FBN2: variants seen among roughly 807,000 people sequenced by gnomAD.
FBN2 encodes the protein fibrillin 2.
Under a neutral mutation model 355.6 loss-of-function variants are expected in FBN2, and 105 were observed. The observed-to-expected ratio is 0.30, with a 90% CI of 0.25 to 0.35. The LOEUF (loss-of-function observed/expected upper bound fraction) is 0.35, where lower values mean the gene tolerates loss of function less well. Ranked by LOEUF, FBN2 falls within the 10% of genes least tolerant of loss-of-function variation. The pLI is 1.00. For missense variants in FBN2, 3,280 were observed against 3,758.7 expected, an observed-to-expected ratio of 0.87 and a Z score of 3.33; for synonymous variants, 1,350 against 1,301.2, an observed-to-expected ratio of 1.04 and a Z score of -0.81.
chr5:128,431,059 G>A (rs1371721206), intron 7 of FBN2, among the ~76,000 whole-genome samples: 1 of 152,120 alleles, frequency 6.6e-6, no homozygotes, highest in African/African-American at 2.4e-5. Flanking sequence ...GAATGCCCAG[G>A]TTTTAATAGC....
chr5:128,465,581 T>C (rs1185871608), intron 5 of FBN2, among the ~76,000 whole-genome samples: 2 of 152,228 alleles, frequency 1.3e-5, no homozygotes, highest in Non-Finnish European at 2.9e-5. Context: ...TCTGTTTCTG[T>C]GTCAGTCAGT....
At chr5:128,483,709 G>GAGTT (rs1755257158) in intron 5 of FBN2, among the ~76,000 whole-genome samples, 1 of 151,996 alleles carries the variant, frequency 6.6e-6, no homozygotes, top group Non-Finnish European at 1.5e-5. Context: ...TATTGAAAAT[G>GAGTT]AGTTGTCTGG....
rs1756908233 is a variant in FBN2 at position 128,538,031 on chromosome 5, G to C, written c.-428C>G. ...CGGATTCCCGTGCGCTCCGAAGACG[G>C]ATATTGGAAAGCTGCAAAAGTCACC... is the stretch of plus-strand genomic sequence containing the variant. On this transcript the variant is annotated 5_prime_UTR_variant, in exon 1 of 65. In the 5' UTR this introduces an upstream ATG that the reference lacks. Transcript: ENST00000262464. The C allele has an allele frequency of 5.1e-6, 1 of 197,574 alleles. No homozygotes were observed. Among genetic ancestry groups the C allele is most frequent in the Non-Finnish European group, 1.0e-5 (1 of 98,210 alleles). 12.2% of individuals were successfully genotyped at this position (197,574 alleles called of 1,614,324 possible). A position where few individuals can be genotyped will look rare whatever the true frequency, so the allele number is the denominator to read the frequency against.
intron 5 of FBN2, among the ~76,000 whole-genome samples, chr5:128,486,105 G>C (rs926246819): frequency 1.3e-5 from 2 of 152,104 alleles, no homozygotes; most frequent in African/African-American, 4.8e-5. Context: ...AGTATGTTCA[G>C]AATGTTGTTA....
chr5:128,459,152 C>T (rs1282501625), intron 6 of FBN2, among the ~76,000 whole-genome samples: 1 of 152,036 alleles, frequency 6.6e-6, no homozygotes, highest in Non-Finnish European at 1.5e-5. Flanking sequence ...ATACAAACTA[C>T]CATCAGAGAA....
intron 48 of FBN2, among the ~76,000 whole-genome samples, chr5:128,300,553 C>T (rs2126833392): frequency 6.6e-6 from 1 of 152,302 alleles, no homozygotes; most frequent in South Asian, 2.1e-4. Context: ...TCGCTGCTGA[C>T]ATTTGGAAAA....
chr5:128,440,086 T>C (rs1753878297), intron 7 of FBN2, among the ~76,000 whole-genome samples: 2 of 152,342 alleles, frequency 1.3e-5, no homozygotes, highest in South Asian at 2.1e-4. Context: ...TTCATTGGGC[T>C]ATTTACATGC....
chr5:128,476,975 T>C (rs1274680084), intron 5 of FBN2, among the ~76,000 whole-genome samples: 1 of 152,226 alleles, frequency 6.6e-6, no homozygotes, highest in African/African-American at 2.4e-5. Context: ...CTGTGGTCTC[T>C]TTTCAAAAAG....
intron 7 of FBN2, among the ~76,000 whole-genome samples, chr5:128,420,478 T>C (rs1263377690): frequency 6.6e-6 from 1 of 152,200 alleles, no homozygotes; most frequent in Non-Finnish European, 1.5e-5. Flanking sequence ...AGTTATGAAA[T>C]TTCTGAATTA....
chr5:128,301,246 ATCATAGCTTATCTTGG>A, intron 47 of FBN2, 120 bp downstream of exon 47: 2 of 883,780 alleles, frequency 2.3e-6, no homozygotes, highest in South Asian at 3.1e-5. Context: ...AAAATTTTCC[ATCATAGCTTATCTTGG>A]TCATGTGCTC....
At chr5:128,353,224 C>G (rs185399585) in intron 20 of FBN2, among the ~76,000 whole-genome samples, 189 of 151,832 alleles carry the variant, frequency 1.2e-3, no homozygotes, top group African/African-American at 4.4e-3. Context: ...ACCCCCCTGC[C>G]CCCAAACACA....
In FBN2 at chr5:128,309,429, A is replaced by G. The variant is rs192338339; in HGVS notation, c.5201-30T>C. On this transcript the variant is annotated intron_variant, in intron 40 of 64. Transcript: ENST00000262464. ...ATAAAGAAAAACAAAGAAACTAGCCATTTGTATCCACGAGTAGTTTATAAT... is the reference window on the plus strand; with the variant it reads ...ATAAAGAAAAACAAAGAAACTAGCCGTTTGTATCCACGAGTAGTTTATAAT... The G allele has an allele frequency of 5.5e-5, 88 of 1,603,696 alleles. No homozygotes were observed. In the East Asian group the frequency reaches 1.9e-3, roughly 35 times the overall value.
intron 53 of FBN2, 129 bp from the exon 54 acceptor site, chr5:128,287,559 C>CTAAATTCT: frequency 3.1e-6 from 3 of 965,148 alleles, no homozygotes; most frequent in Non-Finnish European, 4.8e-6. Flanking sequence ...ACATCTGGTA[C>CTAAATTCT]GCAGAATTTA....
rs149647983 is a variant in FBN2 at position 128,279,547 on chromosome 5, G to A, written c.7138+645C>T. ...TTTCTTGGAATTTGAAGCATATGAC[G>A]TCATTCAGAAAAAAATGTGATATAG... is the stretch of plus-strand genomic sequence containing the variant. On this transcript the variant is annotated intron_variant, in intron 56 of 64. Coordinates refer to ENST00000262464, the MANE Select transcript of FBN2 (RefSeq NM_001999.4). 4.3e-4 allele frequency among the ~76,000 whole-genome samples: 65 copies of A among 152,020 alleles called. 1 individual carries two copies. Among genetic ancestry groups the A allele is most frequent in the Non-Finnish European group, 8.2e-4 (56 of 67,946 alleles).
At chr5:128,301,612 G>C in intron 46 of FBN2, 102 bp from the exon 47 acceptor site, 1 of 1,134,706 alleles carries the variant, frequency 8.8e-7, no homozygotes. Context: ...GCATTTATAA[G>C]AAATCCCATA....
intron 48 of FBN2, among the ~76,000 whole-genome samples, chr5:128,296,398 T>C (rs1254932617): frequency 6.6e-6 from 1 of 152,048 alleles, no homozygotes; most frequent in Admixed American, 6.6e-5. Flanking sequence ...ATTGGAATAG[T>C]TTCAGAAGGA....
intron 8 of FBN2, 71 bp from the exon 9 acceptor site, chr5:128,395,345 G>T: frequency 6.5e-7 from 1 of 1,531,006 alleles, no homozygotes; most frequent in Non-Finnish European, 9.0e-7. Context: ...CACTGTACAT[G>T]AGATGAATGT....
chr5:128,480,077 C>A (rs1755135939), intron 5 of FBN2, among the ~76,000 whole-genome samples: 1 of 136,900 alleles, frequency 7.3e-6, no homozygotes. Flanking sequence ...TATATATTCT[C>A]TATATATAAT....
At chr5:128,529,198 T>G (rs771314236) in intron 3 of FBN2, among the ~76,000 whole-genome samples, 10 of 152,032 alleles carry the variant, frequency 6.6e-5, no homozygotes, top group Non-Finnish European at 1.3e-4. Flanking sequence ...CCAGTGTAGA[T>G]AAATATTATG....
Sources: allele counts gnomAD v4.1 joint callset (sites outside exome capture counted in the v4.1 genomes callset), GRCh38; gene constraint gnomAD v4.1.1; transcripts MANE v1.5; gene names NCBI Gene and HGNC (gene_info 2026-07-23, HGNC 2026-07-21).